Variants in FGF14 observed in about 807,000 individuals in gnomAD.
The protein encoded by FGF14 is fibroblast growth factor 14, also known as fibroblast growth factor homologous factor 4.
In FGF14, 5 loss-of-function variants were observed where a neutral mutation model predicts 25.5. That is an observed-to-expected ratio of 0.20 (90% CI 0.10 to 0.41). The LOEUF is 0.41. Among genes scored for constraint, FGF14 ranks in the 10% least tolerant of loss-of-function variants. FGF14 has a pLI of 1.00. For synonymous variants in FGF14, 138 were observed against 118.3 expected (o/e 1.17, Z -1.08); for missense variants, 222 against 320.1 (o/e 0.69, Z 2.34).
intron 1 of FGF14, among the ~76,000 whole-genome samples, chr13:102,357,259 A>G (rs187791420): frequency 6.6e-6 from 1 of 152,030 alleles, no homozygotes; most frequent in Admixed American, 6.5e-5. Flanking sequence ...GGTCCTTCAC[A>G]GTGTACTATG....
At chr13:102,216,186 G>A (rs2050362581) in intron 1 of FGF14, among the ~76,000 whole-genome samples, 1 of 152,190 alleles carries the variant, frequency 6.6e-6, no homozygotes, top group Non-Finnish European at 1.5e-5. Context: ...TCAATCCAGA[G>A]CCCAAATCTA....
rs539771509 is a variant in FGF14, at chr13:102,059,711, C to T, written c.209-184415G>A. On this transcript the variant is annotated intron_variant, in intron 1 of 4. Coordinates refer to the FGF14 transcript ENST00000376131. ...ACTAAAAATGCAAAACTTAGCCAGG[C>T]GTGGTTCTGCACGCCTGTAGCCCCA... Among the ~76,000 whole-genome samples the T allele has an allele frequency of 2.6e-5, 4 of 152,030 alleles. No individual in the cohort carries two copies. In the South Asian group the frequency reaches 6.2e-4, roughly 24 times the overall value.
intron 1 of FGF14, among the ~76,000 whole-genome samples, chr13:102,329,000 C>A (rs558368099): frequency 6.6e-6 from 1 of 152,236 alleles, no homozygotes; most frequent in African/African-American, 2.4e-5. Context: ...TTTAAGAAGC[C>A]TAGGAGTTCC....
chr13:101,805,563 G>A (rs9518562), intron 3 of FGF14, among the ~76,000 whole-genome samples: 1 of 152,132 alleles, frequency 6.6e-6, no homozygotes, highest in Non-Finnish European at 1.5e-5. Context: ...CAAACATGTA[G>A]TGGCGTTTTC....
At position 102,365,894 on chromosome 13, in the gene FGF14, A is replaced by G. The variant is rs759098033; in HGVS notation, c.208+35577T>C. Among the ~76,000 whole-genome samples the G allele has an allele frequency of 1.5e-3, 224 of 152,298 alleles. 1 individual carries two copies. Among genetic ancestry groups the G allele is most frequent in the Middle Eastern group, 0.01 (3 of 294 alleles). ...TAGTCACTATTTCCCTGACTTGGCT[A>G]TATTTCTATGAGACAGCCATATTTC... On this transcript the variant is annotated intron_variant, in intron 1 of 4. Coordinates refer to the FGF14 transcript ENST00000376131.
chr13:102,242,705 G>T (rs2051664469), intron 1 of FGF14, among the ~76,000 whole-genome samples: 2 of 151,982 alleles, frequency 1.3e-5, no homozygotes. Context: ...ATGCTTTTGG[G>T]GGAACACATT....
At chr13:102,027,365 G>T (rs568696000) in intron 1 of FGF14, among the ~76,000 whole-genome samples, 3 of 151,288 alleles carry the variant, frequency 2.0e-5, no homozygotes, top group Non-Finnish European at 4.4e-5. Flanking sequence ...TAAGCTTTAA[G>T]TCACAAATGT....
At chr13:102,373,141 A>T (rs1047760142) in intron 1 of FGF14, among the ~76,000 whole-genome samples, 4 of 152,144 alleles carry the variant, frequency 2.6e-5, no homozygotes, top group Non-Finnish European at 5.9e-5. Context: ...CTCAGGACAG[A>T]TAAGTTCCTA....
intron 1 of FGF14, among the ~76,000 whole-genome samples, chr13:102,141,293 GA>G (rs1458924442): frequency 6.6e-6 from 1 of 152,206 alleles, no homozygotes; most frequent in Admixed American, 6.5e-5. Context: ...ACACCCAGTA[GA>G]TGTTCAGTGG....
intron 1 of FGF14, among the ~76,000 whole-genome samples, chr13:102,302,094 C>G (rs2055096027): frequency 6.6e-6 from 1 of 152,126 alleles, no homozygotes; most frequent in African/African-American, 2.4e-5. Flanking sequence ...AGAGCATTAC[C>G]ACAGCAGTTT....
chr13:102,401,989 C>T (rs1197610412), upstream of FGF14: 2 of 379,730 alleles, frequency 5.3e-6, no homozygotes, highest in African/African-American at 2.4e-5. Context: ...CTGCAGAAGG[C>T]AAAGCAGGAT....
intron 1 of FGF14, among the ~76,000 whole-genome samples, chr13:102,340,710 G>C (rs1251111469): frequency 6.6e-6 from 1 of 152,146 alleles, no homozygotes; most frequent in Non-Finnish European, 1.5e-5. Context: ...GATCAAGAAG[G>C]CAGTCATAAA....
chr13:102,201,102 C>CAAAAAAAAAAAAAAAAAAAAAAA, intron 1 of FGF14, among the ~76,000 whole-genome samples: 1 of 62,690 alleles, frequency 1.6e-5, no homozygotes, highest in Non-Finnish European at 2.7e-5. Flanking sequence ...CTCCGTCTCT[C>CAAAAAAAAAAAAAAAAAAAAAAA]AAAAAAAAAA....
At chr13:102,170,190 G>A (rs912733741) in intron 1 of FGF14, among the ~76,000 whole-genome samples, 1 of 151,878 alleles carries the variant, frequency 6.6e-6, no homozygotes, top group Admixed American at 6.6e-5. Flanking sequence ...CTGGCTCCTG[G>A]TATGTTAAAA....
intron 1 of FGF14, among the ~76,000 whole-genome samples, chr13:102,332,445 T>C (rs910062458): frequency 1.3e-5 from 2 of 152,156 alleles, no homozygotes; most frequent in African/African-American, 4.8e-5. Flanking sequence ...AGAGATTTTA[T>C]TAACTCTGTG....
chr13:101,978,689 A>C (rs948262069), intron 1 of FGF14, among the ~76,000 whole-genome samples: 3 of 152,222 alleles, frequency 2.0e-5, no homozygotes, highest in Admixed American at 6.5e-5. Flanking sequence ...TATGGAAAAC[A>C]ATGATAATTC....
At chr13:102,357,168 A>C (rs915290189) in intron 1 of FGF14, among the ~76,000 whole-genome samples, 7 of 151,308 alleles carry the variant, frequency 4.6e-5, no homozygotes, top group African/African-American at 1.7e-4. Flanking sequence ...AATCATGGTA[A>C]ACTCCTCACA....
At chr13:102,271,548 CCA>C (rs2053247333) in intron 1 of FGF14, among the ~76,000 whole-genome samples, 1 of 152,118 alleles carries the variant, frequency 6.6e-6, no homozygotes, top group African/African-American at 2.4e-5. Flanking sequence ...TTGGAAAGCC[CCA>C]GATGAGTGAG....
chr13:102,348,620 G>C (rs551008375), intron 1 of FGF14, among the ~76,000 whole-genome samples: 41 of 152,328 alleles, frequency 2.7e-4, no homozygotes, highest in African/African-American at 9.6e-4. Flanking sequence ...GGTTATTCCA[G>C]AGCAGTGGTT....
Sources: allele counts gnomAD v4.1 joint callset (sites outside exome capture counted in the v4.1 genomes callset), GRCh38; gene constraint gnomAD v4.1.1; transcripts MANE v1.5; gene names NCBI Gene and HGNC (gene_info 2026-07-23, HGNC 2026-07-21).